Variants in ANK2 observed in about 807,000 individuals in gnomAD.
The protein encoded by ANK2 is ankyrin-2.
In ANK2, 83 loss-of-function variants were observed where a neutral mutation model predicts 360.5. The observed-to-expected ratio is 0.23, with a 90% confidence interval of 0.19 to 0.28. The LOEUF is 0.28. ANK2 is among the 10% of genes least tolerant of loss of function. The pLI, the probability that ANK2 is intolerant of heterozygous loss-of-function variation, is 1.00. For missense variants in ANK2, 4,201 were observed against 4,795.7 expected, an observed-to-expected ratio of 0.88 and a Z score of 3.66; for synonymous variants, 1,740 against 1,759.5, an observed-to-expected ratio of 0.99 and a Z score of 0.28.
At chr4:113,197,691 T>C (rs1361656476) in intron 3 of ANK2, among the ~76,000 whole-genome samples, 1 of 152,168 alleles carries the variant, frequency 6.6e-6, no homozygotes, top group African/African-American at 2.4e-5. Context: ...TGTAGTATAG[T>C]AAACAGCAAT....
In ANK2 at chr4:113,332,018, A is replaced by C; in HGVS notation, c.3172A>C (p.Ser1058Arg). ...TAPPPLNEGE[S>R]LVSRILQLGP... ...TCCTCCCCCACTTAATGAGGGAGAA[A>C]GTTTGGTCAGCCGCATTCTTCAGCT... Residue 1058 changes from serine to arginine, a missense_variant, in exon 28 of 46, where the codon AGT (serine) becomes CGT (arginine). Physicochemically the swap from Ser to Arg is moderately radical, Grantham distance 110. Around this residue, in one of 4 missense-constraint regions of ANK2, gnomAD observed 1,268 missense variants for 1,650.8 expected, o/e 0.77. Transcript: ENST00000357077. 2 of 1,614,110 alleles carry C rather than the reference A, an allele frequency of 1.2e-6. No homozygotes were observed. The highest frequency in any genetic ancestry group is 1.7e-6 in the Non-Finnish European group (2 of 1,180,022).
At chr4:113,014,252 A>G (rs954726516) in intron 2 of ANK2, among the ~76,000 whole-genome samples, 4 of 152,268 alleles carry the variant, frequency 2.6e-5, no homozygotes, top group African/African-American at 9.6e-5. Flanking sequence ...CAAGCTGCTC[A>G]TAGTCTAAAA....
At chr4:112,790,589 G>A in the ANK2 span, among the ~76,000 whole-genome samples, 1 of 150,300 alleles carries the variant, frequency 6.7e-6, no homozygotes, top group Non-Finnish European at 1.5e-5. Flanking sequence ...CTGGGTTCAA[G>A]CAATTTCTCC....
At chr4:113,254,153 G>A (rs867200702) in intron 10 of ANK2, among the ~76,000 whole-genome samples, 5 of 152,088 alleles carry the variant, frequency 3.3e-5, no homozygotes, top group Non-Finnish European at 7.4e-5. Flanking sequence ...TTGCACTCAC[G>A]TACACAAACT....
chr4:113,339,467 A>G, intron 32 of ANK2, 145 bp downstream of exon 32: 1 of 704,358 alleles, frequency 1.4e-6, no homozygotes, highest in Non-Finnish European at 2.5e-6. Flanking sequence ...TTATATTTTA[A>G]ACTAGATCTG....
chr4:113,130,831 C>T (rs1273650072), intron 1 of ANK2, among the ~76,000 whole-genome samples: 2 of 152,144 alleles, frequency 1.3e-5, no homozygotes, highest in African/African-American at 4.8e-5. Flanking sequence ...AGTTAATCTC[C>T]TGAATCAAAC....
chr4:112,786,939 G>A, the ANK2 span, among the ~76,000 whole-genome samples: 1 of 151,712 alleles, frequency 6.6e-6, no homozygotes, highest in Non-Finnish European at 1.5e-5. Flanking sequence ...AGTAGAGATG[G>A]GGATTCGCCA....
chr4:113,341,195 G>A (rs895804475), intron 32 of ANK2, among the ~76,000 whole-genome samples: 8 of 152,176 alleles, frequency 5.3e-5, no homozygotes, highest in Non-Finnish European at 1.2e-4. Context: ...AGAGTTCCAT[G>A]GAAAAGAATA....
At chr4:113,192,387 A>G (rs1432965208) in intron 2 of ANK2, among the ~76,000 whole-genome samples, 2 of 152,142 alleles carry the variant, frequency 1.3e-5, no homozygotes, top group Non-Finnish European at 2.9e-5. Context: ...AGTTTCACCA[A>G]AACCCCTCAA....
At chr4:113,276,942 G>A (rs775872680) in intron 15 of ANK2, among the ~76,000 whole-genome samples, 1 of 152,180 alleles carries the variant, frequency 6.6e-6, no homozygotes, top group Non-Finnish European at 1.5e-5. Flanking sequence ...TGTAGTGCCA[G>A]AAGAGCATGT....
chr4:112,763,168 A>C, the ANK2 span, among the ~76,000 whole-genome samples: 1 of 150,076 alleles, frequency 6.7e-6, no homozygotes, highest in African/African-American at 2.5e-5. Flanking sequence ...CAGGTGATTC[A>C]CTCACCCCAG....
At chr4:112,730,655 A>AAAAG in the ANK2 span, among the ~76,000 whole-genome samples, 2 of 150,310 alleles carry the variant, frequency 1.3e-5, no homozygotes, top group Admixed American at 1.3e-4. Flanking sequence ...AAAAAAAAAA[A>AAAAG]AAAGAAAGAA....
At chr4:112,754,708 C>T in the ANK2 span, among the ~76,000 whole-genome samples, 465 of 152,216 alleles carry the variant, frequency 3.1e-3, 3 homozygotes, top group African/African-American at 0.011. Context: ...CCCTGTTCCC[C>T]CATCTCCAGG....
Position 113,357,041 on chromosome 4 carries a change from A to T in ANK2, c.8423A>T (p.Tyr2808Phe). 1 of 1,614,068 alleles carries T rather than the reference A, an allele frequency of 6.2e-7. No homozygotes were observed. The highest frequency in any genetic ancestry group is 8.5e-7 in the Non-Finnish European group (1 of 1,179,970). Residue 2808 changes from tyrosine (Y) to phenylalanine (F), a missense_variant, in exon 38 of 46, where the codon TAT becomes TTT. Around this residue, in one of 4 missense-constraint regions of ANK2, gnomAD observed 2,642 missense variants for 2,714.5 expected, o/e 0.97. Transcript: ENST00000357077. ...GATGTTGATGAACAGCCAGTCATCT[A>T]TAAAGAATCATTAGCTCTCCAAGGC... ...GDDVDEQPVI[Y>F]KESLALQGTH...
rs1467239058 is a variant in ANK2 at position 112,991,972 on chromosome 4, A to G, written c.21+87458A>G. On this transcript the variant is annotated intron_variant, in intron 2 of 30. Coordinates refer to the ANK2 transcript ENST00000503271. ...ACGTCTGTATTTCTACATTTTGTAC[A>G]TTATTTTACGTATTCTCTGAGAAGA... Among the ~76,000 whole-genome samples, 5 of 151,802 alleles carry G rather than the reference A, an allele frequency of 3.3e-5. No homozygotes were observed. The South Asian group carries it at 6.2e-4, about 19-fold the overall frequency.
intron 1 of ANK2, among the ~76,000 whole-genome samples, chr4:113,061,860 G>T (rs1366615736): frequency 6.6e-6 from 1 of 152,068 alleles, no homozygotes; most frequent in Non-Finnish European, 1.5e-5. Context: ...AGTATAATTG[G>T]ATTGTTTGTA....
the ANK2 span, among the ~76,000 whole-genome samples, chr4:112,725,779 G>A: frequency 6.6e-6 from 1 of 152,090 alleles, no homozygotes; most frequent in Non-Finnish European, 1.5e-5. Flanking sequence ...GGAGGCTGGG[G>A]GAATGGGAAG....
chr4:113,037,697 C>G (rs2061914855), intron 2 of ANK2, among the ~76,000 whole-genome samples: 1 of 151,866 alleles, frequency 6.6e-6, no homozygotes, highest in Non-Finnish European at 1.5e-5. Context: ...GCCCAAGTCA[C>G]AATTTGTTCT....
At chr4:113,318,755 C>A in intron 26 of ANK2, 135 bp downstream of exon 26, 2 of 735,620 alleles carry the variant, frequency 2.7e-6, no homozygotes, top group Non-Finnish European at 4.8e-6. Flanking sequence ...TTGTAAATAA[C>A]ATTGCTTTAT....
Sources: allele counts gnomAD v4.1 joint callset (sites outside exome capture counted in the v4.1 genomes callset), GRCh38; gene constraint gnomAD v4.1.1; regional missense constraint gnomAD v4.1.1; transcripts MANE v1.5; gene names NCBI Gene and HGNC (gene_info 2026-07-23, HGNC 2026-07-21).